KCNU1: variants seen among roughly 807,000 people sequenced by gnomAD.
The protein encoded by KCNU1 is potassium channel subfamily U member 1.
Under a neutral mutation model 126.8 loss-of-function variants are expected in KCNU1, and 93 were observed. That is an observed-to-expected ratio of 0.73 (90% CI 0.62 to 0.87). KCNU1 has a LOEUF of 0.87. Ranked by LOEUF, KCNU1 falls within the 40% of genes least tolerant of loss-of-function variation. The pLI is 0.00. For synonymous variants in KCNU1, 523 were observed against 494.2 expected, an observed-to-expected ratio of 1.06 and a Z score of -0.77; for missense variants, 1,330 against 1,367.1, an observed-to-expected ratio of 0.97 and a Z score of 0.43.
At chr8:36,870,046 G>A (rs1806045747) in intron 19 of KCNU1, among the ~76,000 whole-genome samples, 1 of 152,152 alleles carries the variant, frequency 6.6e-6, no homozygotes, top group African/African-American at 2.4e-5. Flanking sequence ...GTCCAAGTCG[G>A]CCTATAGCTT....
intron 7 of KCNU1, among the ~76,000 whole-genome samples, 157 bp downstream of exon 7, chr8:36,808,950 T>G (rs1476642901): frequency 6.6e-6 from 1 of 152,176 alleles, no homozygotes; most frequent in Non-Finnish European, 1.5e-5. Context: ...TTTACCCTCA[T>G]ATTCTCACAA....
chr8:36,851,790 T>G (rs1019500847), intron 18 of KCNU1, among the ~76,000 whole-genome samples: 1 of 152,204 alleles, frequency 6.6e-6, no homozygotes, highest in Non-Finnish European at 1.5e-5. Flanking sequence ...TATAATTGAT[T>G]TTTGTATATT....
chr8:36,910,170 G>T (rs578092631), intron 21 of KCNU1, among the ~76,000 whole-genome samples: 1 of 152,066 alleles, frequency 6.6e-6, no homozygotes, highest in South Asian at 2.1e-4. Context: ...CATGAGATAC[G>T]CACCAAAGCA....
rs187271495 is a variant in KCNU1 at position 36,894,510 on chromosome 8, C to T, written c.2010-11198C>T. On this transcript the variant is annotated intron_variant, in intron 19 of 26. Transcript: ENST00000399881. ...ATTAACCTTTCAGCAAAAATCACTG[C>T]TGGAAGAATTGAAGACATCAGAAGC... 1.3e-4 allele frequency among the ~76,000 whole-genome samples: 20 copies of T among 152,158 alleles called. No individual in the cohort carries two copies. In the East Asian group the frequency reaches 3.7e-3, roughly 28 times the overall value.
Position 36,814,378 on chromosome 8 carries a change from G to A in KCNU1, c.903+1G>A. 3 of 1,596,132 alleles carry A rather than the reference G, an allele frequency of 1.9e-6. No individual in the cohort carries two copies. The highest frequency in any genetic ancestry group is 2.6e-6 in the Non-Finnish European group (3 of 1,168,854). ...CATGTTCTTCACACTGGGGAGTTTG[G>A]TGAAGAATATTTTTAATATATTTTG... On this transcript the variant is annotated splice_donor_variant, in intron 8 of 26. Coordinates refer to ENST00000399881, the MANE Select transcript of KCNU1 (RefSeq NM_001031836.3). LOFTEE classifies it high-confidence loss of function.
chr8:36,905,794 A>G lies in KCNU1; in HGVS notation c.2096A>G (p.Lys699Arg). 6.5e-7 allele frequency: 1 copy of G among 1,537,092 alleles called. No homozygotes were observed. The highest frequency in any genetic ancestry group is 8.9e-7 in the Non-Finnish European group (1 of 1,123,256). The change falls in exon 20 of 27, where the codon AAG (lysine) becomes AGG (arginine). Residue 699 changes from lysine (K) to arginine (R), a missense_variant. Physicochemically the swap from Lys to Arg is conservative, Grantham distance 26. Coordinates refer to ENST00000399881, the MANE Select transcript of KCNU1 (RefSeq NM_001031836.3). ...TGGTGCAAACCAACCTCTTTGGACAAGGTGACTCTGGTAGGTGATCTTGCA... is the reference window on the plus strand; with the variant it reads ...TGGTGCAAACCAACCTCTTTGGACAGGGTGACTCTGGTAGGTGATCTTGCA... ...FHWCKPTSLD[K>R]VTLKRTGKSK...
At chr8:36,827,503 G>A (rs538863487) in intron 10 of KCNU1, among the ~76,000 whole-genome samples, 1 of 152,068 alleles carries the variant, frequency 6.6e-6, no homozygotes, top group Non-Finnish European at 1.5e-5. Context: ...CCGAGTTATT[G>A]ATTTCTCTCA....
intron 19 of KCNU1, among the ~76,000 whole-genome samples, chr8:36,886,505 A>G (rs550608980): frequency 6.6e-6 from 1 of 152,314 alleles, no homozygotes; most frequent in South Asian, 2.1e-4. Context: ...AAAAACAGAA[A>G]CAGGAATTTC....
chr8:36,791,059 A>G (rs558151237), intron 2 of KCNU1, among the ~76,000 whole-genome samples: 2 of 151,818 alleles, frequency 1.3e-5, no homozygotes, highest in African/African-American at 4.8e-5. Context: ...TGAGAAGGGA[A>G]CTCCAACAGT....
intron 2 of KCNU1, among the ~76,000 whole-genome samples, chr8:36,800,323 T>C (rs1475603218): frequency 1.3e-5 from 2 of 152,110 alleles, no homozygotes; most frequent in African/African-American, 4.8e-5. Flanking sequence ...ACTAAACAGG[T>C]TTTTTTAGAT....
chr8:36,858,853 A>G lies in KCNU1; in HGVS notation c.1892-5551A>G, dbSNP rs76626047. 4.6e-5 allele frequency among the ~76,000 whole-genome samples: 7 copies of G among 152,254 alleles called. No individual in the cohort carries two copies. In the East Asian group the frequency reaches 1.2e-3, roughly 25 times the overall value. On this transcript the variant is annotated intron_variant, in intron 18 of 26. Transcript: ENST00000399881. ...TAAGTTAATGAGACTTTCAATTTTC[A>G]ATCTAGTTTCTTAGCTTCAATGTAG...
chr8:36,843,476 G>A (rs777550273), intron 16 of KCNU1, among the ~76,000 whole-genome samples: 17 of 152,168 alleles, frequency 1.1e-4, no homozygotes, highest in Non-Finnish European at 2.5e-4. Flanking sequence ...TGTGAGATAG[G>A]TACTATTATT....
intron 19 of KCNU1, among the ~76,000 whole-genome samples, chr8:36,901,736 C>CAGTAAGAAG (rs1388595661): frequency 6.6e-6 from 1 of 152,062 alleles, no homozygotes; most frequent in African/African-American, 2.4e-5. Flanking sequence ...GTTGCTTGGG[C>CAGTAAGAAG]AGTAAGAAGC....
At chr8:36,809,774 C>A (rs1382828785) in intron 7 of KCNU1, among the ~76,000 whole-genome samples, 1 of 152,162 alleles carries the variant, frequency 6.6e-6, no homozygotes, top group Non-Finnish European at 1.5e-5. Flanking sequence ...AAGGAAAAGT[C>A]ATTAGGACTT....
intron 19 of KCNU1, among the ~76,000 whole-genome samples, chr8:36,904,094 C>T (rs7014950): frequency 0.017 from 2,594 of 152,198 alleles, 84 homozygotes; most frequent in African/African-American, 0.059. Context: ...TTGGTTACTC[C>T]TAGGATGTCT....
chr8:36,803,952 G>C, intron 2 of KCNU1, 75 bp from the exon 3 acceptor site: 1 of 995,386 alleles, frequency 1.0e-6, no homozygotes, highest in South Asian at 1.4e-5. Flanking sequence ...GGTAAAAAGA[G>C]AAAACACACT....
At chr8:36,825,327 C>T (rs185099223) in intron 10 of KCNU1, among the ~76,000 whole-genome samples, 2 of 152,216 alleles carry the variant, frequency 1.3e-5, no homozygotes, top group Admixed American at 6.5e-5. Flanking sequence ...TATGCTGAAT[C>T]GTTAGACCTT....
chr8:36,816,668 ATTATG>A (rs1264140081), intron 9 of KCNU1, among the ~76,000 whole-genome samples: 1 of 152,196 alleles, frequency 6.6e-6, no homozygotes, highest in African/African-American at 2.4e-5. Context: ...TTAGGCTAAA[ATTATG>A]TTTTCAGTTT....
rs571275113 is a variant in KCNU1 at position 36,826,165 on chromosome 8, T to C, written c.1107-7389T>C. On this transcript the variant is annotated intron_variant, in intron 10 of 26. Transcript: ENST00000399881. Reference sequence around the variant, plus strand: ...CTGCTAGCCTTTTTCTTTTTTATTGTTCCAGTTATATGTCCTGATTTTTTT... The same window carrying C: ...CTGCTAGCCTTTTTCTTTTTTATTGCTCCAGTTATATGTCCTGATTTTTTT... 6.6e-5 allele frequency among the ~76,000 whole-genome samples: 10 copies of C among 151,742 alleles called. 1 individual carries two copies. The highest frequency in any genetic ancestry group is 2.4e-4 in the African/African-American group (10 of 41,526).
Sources: gnomAD v4.1 joint callset for allele counts (sites outside exome capture counted in the v4.1 genomes callset) on GRCh38, gnomAD v4.1.1 for gene constraint, MANE v1.5 for transcripts, NCBI Gene and HGNC (gene_info 2026-07-23, HGNC 2026-07-21) for gene names.